STOX1: variants seen among roughly 807,000 people sequenced by gnomAD.
The protein encoded by STOX1 is storkhead-box protein 1.
In STOX1, 57 loss-of-function variants were observed where a neutral mutation model predicts 74.8. The observed-to-expected ratio is 0.76, with a 90% CI of 0.62 to 0.95. The LOEUF (loss-of-function observed/expected upper bound fraction) is 0.95, where lower values mean the gene tolerates loss of function less well. Ranked by LOEUF, STOX1 falls within the 40% of genes least tolerant of loss-of-function variation. The probability of loss-of-function intolerance (pLI) is 0.00; values close to 1 mark genes in which losing one functional copy is unlikely to be tolerated. For missense variants in STOX1, 1,010 were observed against 1,117.0 expected (o/e 0.90, Z 1.37); for synonymous variants, 375 against 401.3 (o/e 0.93, Z 0.78).
intron 1 of STOX1, among the ~76,000 whole-genome samples, chr10:68,869,248 AT>A (rs1024019198): frequency 3.9e-5 from 6 of 152,196 alleles, no homozygotes; most frequent in Admixed American, 3.9e-4. Context: ...GTCAAAGCCC[AT>A]TGAGTGTGAG....
intron 3 of STOX1, among the ~76,000 whole-genome samples, chr10:68,890,104 T>A (rs1841062939): frequency 6.6e-6 from 1 of 151,874 alleles, no homozygotes; most frequent in Admixed American, 6.6e-5. Context: ...GCCACAAGCT[T>A]GTTCTTTTTA....
intron 1 of STOX1, among the ~76,000 whole-genome samples, chr10:68,856,046 C>CA (rs1269487782): frequency 6.6e-6 from 1 of 152,034 alleles, no homozygotes; most frequent in Non-Finnish European, 1.5e-5. Context: ...AGTCTGAATT[C>CA]AGAGTGCTCA....
intron 1 of STOX1, among the ~76,000 whole-genome samples, chr10:68,864,504 G>A (rs1205103652): frequency 6.6e-6 from 1 of 152,152 alleles, no homozygotes; most frequent in African/African-American, 2.4e-5. Flanking sequence ...TCGTGAGAGG[G>A]ACAATAATTT....
intron 1 of STOX1, among the ~76,000 whole-genome samples, chr10:68,858,224 G>C (rs1217177536): frequency 6.6e-6 from 1 of 152,202 alleles, no homozygotes; most frequent in East Asian, 1.9e-4. Flanking sequence ...GTGTGAAGAA[G>C]GTGGCCAGCT....
chr10:68,892,578 A>C lies in STOX1; in HGVS notation c.2823-11A>C. 1 of 1,612,152 alleles carries C rather than the reference A, an allele frequency of 6.2e-7. No homozygotes were observed. Among genetic ancestry groups the C allele is most frequent in the East Asian group, 2.2e-5 (1 of 44,800 alleles). ...CGAAGCCAATAATTCTGTTATTTTT[A>C]ATATCTTTAGGACACAGAGTCTGGG... On this transcript the variant is annotated splice_polypyrimidine_tract_variant and intron_variant, in intron 3 of 3. Coordinates refer to ENST00000298596, the MANE Select transcript of STOX1 (RefSeq NM_152709.5).
intron 1 of STOX1, among the ~76,000 whole-genome samples, chr10:68,837,551 A>C: frequency 6.6e-6 from 1 of 152,244 alleles, no homozygotes; most frequent in East Asian, 1.9e-4. Flanking sequence ...TACATGGCAG[A>C]TACTTCTCAG....
rs192580717 is a variant in STOX1, at chr10:68,846,609, G to A, written c.310+18676G>A. Among the ~76,000 whole-genome samples, 4 of 152,074 alleles carry A rather than the reference G, an allele frequency of 2.6e-5. No individual in the cohort carries two copies. In the East Asian group the frequency reaches 7.7e-4, roughly 29 times the overall value. On this transcript the variant is annotated intron_variant, in intron 1 of 3. Transcript: ENST00000298596. ...TCTAGACTGTTCTTTTTTCTTGATC[G>A]ATACCCCTATGCTTTCTCCAATACT...
intron 1 of STOX1, among the ~76,000 whole-genome samples, chr10:68,867,779 A>G (rs931111453): frequency 1.3e-5 from 2 of 152,206 alleles, no homozygotes; most frequent in South Asian, 2.1e-4. Context: ...CTATCCTTAT[A>G]TGCCTTTTTG....
At chr10:68,850,968 T>C (rs985430940) in intron 1 of STOX1, among the ~76,000 whole-genome samples, 2 of 151,142 alleles carry the variant, frequency 1.3e-5, no homozygotes, top group African/African-American at 4.9e-5. Context: ...CGAGACCGTG[T>C]CTCAAGAAAA....
At chr10:68,839,506 AAC>A (rs1839641309) in intron 1 of STOX1, among the ~76,000 whole-genome samples, 1 of 152,216 alleles carries the variant, frequency 6.6e-6, no homozygotes, top group Admixed American at 6.5e-5. Context: ...TGGAAAGAAA[AAC>A]ACAGCTGGGA....
At chr10:68,875,189 T>TGTGATCCTCACGCCCC (rs1257167654) in intron 1 of STOX1, among the ~76,000 whole-genome samples, 1 of 152,242 alleles carries the variant, frequency 6.6e-6, no homozygotes, top group East Asian at 1.9e-4. Flanking sequence ...TCCCTCGGCT[T>TGTGATCCTCACGCCCC]GTGATCCTCA....
At chr10:68,856,891 A>C (rs1283327586) in intron 1 of STOX1, among the ~76,000 whole-genome samples, 1 of 151,892 alleles carries the variant, frequency 6.6e-6, no homozygotes, top group Non-Finnish European at 1.5e-5. Flanking sequence ...TTCCAAGCCT[A>C]CCTCCTGATC....
intron 1 of STOX1, among the ~76,000 whole-genome samples, chr10:68,860,237 C>T (rs1467501294): frequency 6.6e-6 from 1 of 150,746 alleles, no homozygotes; most frequent in African/African-American, 2.5e-5. Context: ...CACTGCACCC[C>T]AGCCTCGGTG....
Position 68,884,857 on chromosome 10 carries a change from C to T in STOX1, c.1061C>T (p.Pro354Leu). 1 of 1,614,002 alleles carries T rather than the reference C, an allele frequency of 6.2e-7. No homozygotes were observed. Among genetic ancestry groups the T allele is most frequent in the Non-Finnish European group, 8.5e-7 (1 of 1,179,968 alleles). ...VRDEDDLDNI[P>L]RDVEHEIIKR... is the part of the protein sequence containing the mutation. ...GATGAAGATGACTTGGACAATATCC[C>T]TCGAGATGTTGAACATGAGATAATC... Residue 354 changes from proline to leucine, a missense_variant, in exon 3 of 4, where the codon CCT (proline) becomes CTT (leucine). Pro to Leu is a moderately conservative substitution (Grantham distance 98). Transcript: ENST00000298596.
chr10:68,833,080 G>T (rs1457501125), intron 1 of STOX1, among the ~76,000 whole-genome samples: 2 of 104,630 alleles, frequency 1.9e-5, no homozygotes, highest in Non-Finnish European at 3.7e-5. Flanking sequence ...ACTTCTGTGG[G>T]TTTTTTTTTT....
intron 1 of STOX1, among the ~76,000 whole-genome samples, chr10:68,873,719 C>T (rs966727954): frequency 5.9e-5 from 8 of 134,646 alleles, no homozygotes; most frequent in Non-Finnish European, 7.7e-5. Context: ...TGCAGTGGTG[C>T]GATCTCCTGC....
intron 1 of STOX1, among the ~76,000 whole-genome samples, chr10:68,873,560 CTTTTTTTTT>C (rs5785876): frequency 9.8e-6 from 1 of 102,198 alleles, no homozygotes; most frequent in African/African-American, 3.9e-5. Flanking sequence ...CGCGCCTGGC[CTTTTTTTTT>C]TTTTTTTTTA....
At chr10:68,828,235 G>A (rs1839315867) in intron 1 of STOX1, 2 of 1,003,528 alleles carry the variant, frequency 2.0e-6, no homozygotes, top group African/African-American at 1.7e-5. Flanking sequence ...GCCGGGCCCT[G>A]CGGCCGCCGC....
chr10:68,895,078 A>G (rs1841168347), downstream of STOX1, among the ~76,000 whole-genome samples: 1 of 152,190 alleles, frequency 6.6e-6, no homozygotes, highest in South Asian at 2.1e-4. Context: ...TTTGGAAAAG[A>G]ATGAATTTCC....
Sources: allele counts gnomAD v4.1 joint callset (sites outside exome capture counted in the v4.1 genomes callset), GRCh38; gene constraint gnomAD v4.1.1; transcripts MANE v1.5; gene names NCBI Gene and HGNC (gene_info 2026-07-23, HGNC 2026-07-21).